The following CACNA2D3 variants were observed in gnomAD, a reference collection of about 807,000 sequenced individuals.
The protein encoded by CACNA2D3 is voltage-dependent calcium channel subunit alpha-2/delta-3.
CACNA2D3 carries 60 observed loss-of-function variants against 160.6 expected under a neutral mutation model. The ratio of observed to expected loss-of-function variants is 0.37; its 90% confidence interval spans 0.30 to 0.46. CACNA2D3 has a LOEUF of 0.46. Ranked by LOEUF, CACNA2D3 falls within the 20% of genes least tolerant of loss-of-function variation. The probability of loss-of-function intolerance (pLI) is 1.00; values close to 1 mark genes in which losing one functional copy is unlikely to be tolerated. For synonymous variants in CACNA2D3, 558 were observed against 492.9 expected (o/e 1.13, Z -1.75); for missense variants, 1,205 against 1,365.0 (o/e 0.88, Z 1.85).
chr3:55,032,372 A>G (rs1405811126), intron 35 of CACNA2D3, among the ~76,000 whole-genome samples: 3 of 152,180 alleles, frequency 2.0e-5, no homozygotes. Context: ...CACTTGATCT[A>G]AGGGAAGAAA....
intron 26 of CACNA2D3, 84 bp downstream of exon 26, chr3:54,896,954 G>GA (rs1432645810): frequency 6.3e-7 from 1 of 1,575,426 alleles, no homozygotes; most frequent in Non-Finnish European, 8.7e-7. Flanking sequence ...GGAGCTGCCT[G>GA]AATGCTGAAA....
At chr3:54,846,803 T>C (rs1246640051) in intron 17 of CACNA2D3, among the ~76,000 whole-genome samples, 1 of 152,200 alleles carries the variant, frequency 6.6e-6, no homozygotes, top group African/African-American at 2.4e-5. Flanking sequence ...ATGTAATACA[T>C]GGACACTCAT....
intron 2 of CACNA2D3, among the ~76,000 whole-genome samples, chr3:54,289,132 C>G (rs369814816): frequency 6.6e-6 from 1 of 152,104 alleles, no homozygotes; most frequent in Admixed American, 6.6e-5. Flanking sequence ...TGTTTGCAGA[C>G]GACATGATTG....
chr3:54,325,363 A>G (rs1293375968), intron 3 of CACNA2D3, among the ~76,000 whole-genome samples: 1 of 152,242 alleles, frequency 6.6e-6, no homozygotes, highest in Non-Finnish European at 1.5e-5. Flanking sequence ...GGAAATGACA[A>G]AAAGACTTTG....
chr3:54,319,444 T>G (rs902226023), intron 2 of CACNA2D3, among the ~76,000 whole-genome samples: 1 of 152,168 alleles, frequency 6.6e-6, no homozygotes, highest in Non-Finnish European at 1.5e-5. Context: ...ATTCAGAGTT[T>G]CCCCACAAAT....
At chr3:54,670,767 A>T (rs1018292474) in intron 11 of CACNA2D3, among the ~76,000 whole-genome samples, 2 of 152,182 alleles carry the variant, frequency 1.3e-5, no homozygotes, top group African/African-American at 4.8e-5. Context: ...GCACAAGCAG[A>T]CACACACCCT....
At chr3:54,166,459 G>A (rs987398713) in intron 2 of CACNA2D3, among the ~76,000 whole-genome samples, 1 of 152,234 alleles carries the variant, frequency 6.6e-6, no homozygotes, top group Non-Finnish European at 1.5e-5. Flanking sequence ...AATTGAATAT[G>A]TGGTAGAAGA....
chr3:54,258,715 G>A (rs1170121987), intron 2 of CACNA2D3, among the ~76,000 whole-genome samples: 1 of 152,178 alleles, frequency 6.6e-6, no homozygotes, highest in African/African-American at 2.4e-5. Flanking sequence ...GTTGGGGATA[G>A]TTTTAAAGGT....
At chr3:54,778,421 C>T (rs897364827) in intron 13 of CACNA2D3, among the ~76,000 whole-genome samples, 11 of 151,914 alleles carry the variant, frequency 7.2e-5, no homozygotes, top group African/African-American at 2.7e-4. Context: ...TTTCTCTCTG[C>T]AGGAAGTGAT....
At chr3:54,303,823 T>TTGTTTTTTTG (rs1339825616) in intron 2 of CACNA2D3, among the ~76,000 whole-genome samples, 2 of 111,330 alleles carry the variant, frequency 1.8e-5, no homozygotes, top group South Asian at 2.9e-4. Context: ...TTTCTGTTTT[T>TTGTTTTTTTG]TTTTTTTTTT....
intron 13 of CACNA2D3, among the ~76,000 whole-genome samples, chr3:54,797,424 T>A (rs1243053388): frequency 6.6e-6 from 1 of 152,152 alleles, no homozygotes; most frequent in Non-Finnish European, 1.5e-5. Context: ...TCACTGTGAT[T>A]AACTATCTTT....
intron 12 of CACNA2D3, among the ~76,000 whole-genome samples, chr3:54,755,101 A>C (rs1248788501): frequency 6.6e-6 from 1 of 152,232 alleles, no homozygotes; most frequent in African/African-American, 2.4e-5. Flanking sequence ...CATCCACGCA[A>C]CAATACTGTG....
chr3:54,457,540 G>A (rs1700420822), intron 4 of CACNA2D3, among the ~76,000 whole-genome samples: 1 of 151,970 alleles, frequency 6.6e-6, no homozygotes, highest in Non-Finnish European at 1.5e-5. Flanking sequence ...GCAGCTGTTG[G>A]ATGAAATTTT....
chr3:54,662,319 G>A (rs995818801), intron 11 of CACNA2D3, among the ~76,000 whole-genome samples: 13 of 152,108 alleles, frequency 8.5e-5, no homozygotes, highest in African/African-American at 2.4e-4. Flanking sequence ...CCCTGGACTC[G>A]CCTACCTGTG....
At chr3:55,046,260 C>T (rs541075796) in intron 35 of CACNA2D3, among the ~76,000 whole-genome samples, 1 of 138,212 alleles carries the variant, frequency 7.2e-6, no homozygotes, top group East Asian at 2.1e-4. Flanking sequence ...CCGTCCCCCA[C>T]CCCACCACAG....
intron 34 of CACNA2D3, 137 bp from the exon 35 acceptor site, chr3:55,018,069 T>C: frequency 1.6e-6 from 1 of 608,078 alleles, no homozygotes; most frequent in South Asian, 2.0e-5. Flanking sequence ...AATTAGAAAA[T>C]AATGCATTAT....
intron 14 of CACNA2D3, among the ~76,000 whole-genome samples, chr3:54,824,741 C>T (rs1703715438): frequency 1.3e-5 from 2 of 152,146 alleles, no homozygotes; most frequent in Admixed American, 1.3e-4. Context: ...ACAGGAGCAG[C>T]ACCTGCTCAG....
chr3:54,770,414 TG>T (rs1702299643), intron 13 of CACNA2D3, among the ~76,000 whole-genome samples: 1 of 152,252 alleles, frequency 6.6e-6, no homozygotes, highest in African/African-American at 2.4e-5. Flanking sequence ...ATGTTAGTTC[TG>T]TTTTAGAAAT....
intron 4 of CACNA2D3, among the ~76,000 whole-genome samples, chr3:54,468,951 A>G (rs900861943): frequency 6.6e-6 from 1 of 152,140 alleles, no homozygotes; most frequent in Admixed American, 6.5e-5. Context: ...TCAAACTCCC[A>G]TCTCCCTGGT....
Sources: allele counts gnomAD v4.1 joint callset (sites outside exome capture counted in the v4.1 genomes callset), GRCh38; gene constraint gnomAD v4.1.1; transcripts MANE v1.5; gene names NCBI Gene and HGNC (gene_info 2026-07-23, HGNC 2026-07-21).